Variants in LY96 observed in about 807,000 individuals in gnomAD.
The protein encoded by LY96 is lymphocyte antigen 96, also known as myeloid differentiation protein-2.
In LY96, 18 loss-of-function variants were observed where a neutral mutation model predicts 18.9. The ratio of observed to expected loss-of-function variants is 0.95; its 90% CI spans 0.66 to 1.41. LY96 has a LOEUF of 1.41. Among genes scored for constraint, LY96 ranks in the 40% most tolerant of loss-of-function variants. LY96 has a pLI of 0.00. For missense variants in LY96, 175 were observed against 182.4 expected, an observed-to-expected ratio of 0.96 and a Z score of 0.23; for synonymous variants, 66 against 62.6, an observed-to-expected ratio of 1.06 and a Z score of -0.26.
At chr8:73,992,915 C>T (rs10086976) in intron 1 of LY96, among the ~76,000 whole-genome samples, 25,672 of 150,556 alleles carry the variant, frequency 0.17, 2,570 homozygotes, top group Middle Eastern at 0.29. Flanking sequence ...AGTGCAGTGG[C>T]GCGATTTCGG....
the LY96 span, among the ~76,000 whole-genome samples, chr8:74,065,581 G>A: frequency 6.6e-6 from 1 of 152,192 alleles, no homozygotes; most frequent in African/African-American, 2.4e-5. Context: ...GGTTATTTGA[G>A]TTCAAATTCT....
At chr8:74,073,005 A>C in the LY96 span, among the ~76,000 whole-genome samples, 1 of 152,190 alleles carries the variant, frequency 6.6e-6, no homozygotes, top group African/African-American at 2.4e-5. Flanking sequence ...TGTCTGTGTG[A>C]GCCTGGAGCT....
At chr8:73,992,479 A>G (rs1816023096) in intron 1 of LY96, among the ~76,000 whole-genome samples, 1 of 152,204 alleles carries the variant, frequency 6.6e-6, no homozygotes, top group African/African-American at 2.4e-5. Context: ...TTCTGCAATA[A>G]AGGCACCTGT....
At chr8:74,002,078 T>C (rs71500512) in intron 1 of LY96, among the ~76,000 whole-genome samples, 54 of 23,280 alleles carry the variant, frequency 2.3e-3, no homozygotes, top group African/African-American at 5.2e-3. Flanking sequence ...TTCCTTCCTT[T>C]CTTTCTTTCT....
At chr8:74,056,063 G>C in the LY96 span, 1 of 158,320 alleles carries the variant, frequency 6.3e-6, no homozygotes, top group Non-Finnish European at 1.4e-5. Flanking sequence ...TGCATCTGTT[G>C]GCCTCAAGGG....
chr8:73,991,511 G>T lies in LY96; in HGVS notation c.69G>T (p.Trp23Cys), dbSNP rs1355072806. 1.2e-6 allele frequency: 2 copies of T among 1,612,994 alleles called. No homozygotes were observed. Among genetic ancestry groups the T allele is most frequent in the Non-Finnish European group, 8.5e-7 (1 of 1,179,116 alleles). ...TTACTGAAGCTCAGAAGCAGTATTG[G>T]GTCTGCAACTCATCCGATGCAAGTA... ...SIFTEAQKQY[W>C]VCNSSDASIS... is the part of the protein sequence containing the mutation. The change falls in exon 1 of 5, where the codon TGG becomes TGT. Residue 23 changes from tryptophan (W) to cysteine (C), a missense_variant. Physicochemically the swap from Trp to Cys is radical, Grantham distance 215. Transcript: ENST00000284818.
At chr8:74,030,717 G>T (rs1816955772), downstream of LY96, among the ~76,000 whole-genome samples, 1 of 151,796 alleles carries the variant, frequency 6.6e-6, no homozygotes, top group South Asian at 2.1e-4. Context: ...CATATTGGAG[G>T]TTCATCTGGG....
At chr8:74,040,559 C>T in the LY96 span, among the ~76,000 whole-genome samples, 1 of 152,134 alleles carries the variant, frequency 6.6e-6, no homozygotes, top group African/African-American at 2.4e-5. Context: ...TATGGATATC[C>T]AGTTTTCCCA....
At chr8:74,005,219 C>T (rs1816387350) in intron 2 of LY96, among the ~76,000 whole-genome samples, 1 of 152,148 alleles carries the variant, frequency 6.6e-6, no homozygotes, top group African/African-American at 2.4e-5. Context: ...GTATTCAGTC[C>T]CTTGCTGGCT....
intron 2 of LY96, among the ~76,000 whole-genome samples, chr8:74,008,599 G>C (rs1177293136): frequency 6.6e-6 from 1 of 152,194 alleles, no homozygotes; most frequent in Non-Finnish European, 1.5e-5. Flanking sequence ...AAGGAGGTTA[G>C]AAAGATTTAC....
intron 3 of LY96, among the ~76,000 whole-genome samples, chr8:74,013,554 C>G (rs770274517): frequency 2.7e-4 from 41 of 152,114 alleles, no homozygotes; most frequent in Non-Finnish European, 5.3e-4. Context: ...TCCCAGAGTG[C>G]TGGGATTACA....
intron 1 of LY96, among the ~76,000 whole-genome samples, chr8:73,992,657 C>A (rs1816028464): frequency 1.3e-5 from 2 of 152,132 alleles, no homozygotes; most frequent in South Asian, 4.1e-4. Context: ...TGTGGCCAGT[C>A]ACACACCATG....
At chr8:74,099,044 G>A in the LY96 span, among the ~76,000 whole-genome samples, 45 of 152,268 alleles carry the variant, frequency 3.0e-4, no homozygotes, top group East Asian at 6.8e-3. Flanking sequence ...CAATTCCTTG[G>A]CCTGGTTGGT....
Position 74,013,131 on chromosome 8 carries a change from T to G in LY96, c.331+3002T>G, listed in dbSNP as rs527804717. Among the ~76,000 whole-genome samples, 8 of 152,080 alleles carry G rather than the reference T, an allele frequency of 5.3e-5. No individual in the cohort carries two copies. In the South Asian group the frequency reaches 1.0e-3, roughly 20 times the overall value. Reference sequence around the variant, plus strand: ...ATCACCATGTCCAGCTAATTTTTTTTTCTTTTTTTTTGGAGTCAGAATCTC... The same window carrying G: ...ATCACCATGTCCAGCTAATTTTTTTGTCTTTTTTTTTGGAGTCAGAATCTC... On this transcript the variant is annotated intron_variant, in intron 3 of 4. Transcript: ENST00000284818.
chr8:74,014,337 G>A (rs1394997335), intron 3 of LY96, among the ~76,000 whole-genome samples: 1 of 149,492 alleles, frequency 6.7e-6, no homozygotes, highest in Non-Finnish European at 1.5e-5. Flanking sequence ...CTTGCACCCA[G>A]GAGGTCTTGG....
At chr8:74,039,883 C>T in the LY96 span, among the ~76,000 whole-genome samples, 57 of 152,284 alleles carry the variant, frequency 3.7e-4, no homozygotes, top group East Asian at 7.7e-4. Context: ...TGGATGACTG[C>T]GGGCAGGCCT....
chr8:74,022,601 C>T (rs564400643), intron 3 of LY96, among the ~76,000 whole-genome samples: 25 of 132,330 alleles, frequency 1.9e-4, no homozygotes, highest in Non-Finnish European at 3.2e-4. Flanking sequence ...TTTTTTGTGA[C>T]AGGGTCTCGC....
At chr8:74,024,189 C>T (rs890166601) in intron 3 of LY96, among the ~76,000 whole-genome samples, 4 of 152,044 alleles carry the variant, frequency 2.6e-5, no homozygotes, top group South Asian at 2.1e-4. Flanking sequence ...AGCAAAACCC[C>T]GGTCCTCATG....
intron 3 of LY96, 81 bp downstream of exon 3, chr8:74,010,210 T>C: frequency 7.5e-7 from 1 of 1,339,542 alleles, no homozygotes; most frequent in East Asian, 2.4e-5. Context: ...ACATTGAAAA[T>C]GGGAAGTTCC....
Sources: gnomAD v4.1 joint callset for allele counts (sites outside exome capture counted in the v4.1 genomes callset) on GRCh38, gnomAD v4.1.1 for gene constraint, MANE v1.5 for transcripts, NCBI Gene and HGNC (gene_info 2026-07-23, HGNC 2026-07-21) for gene names.